The following FAT3 variants were observed in gnomAD, a reference collection of about 807,000 sequenced individuals.
The protein encoded by FAT3 is FAT atypical cadherin 3.
A neutral mutation model predicts 310.2 loss-of-function variants in FAT3; 95 were observed. The ratio of observed to expected loss-of-function variants is 0.31; its 90% CI spans 0.26 to 0.36. The LOEUF (loss-of-function observed/expected upper bound fraction) is 0.36. Ranked by LOEUF, FAT3 falls within the 10% of genes least tolerant of loss-of-function variation. FAT3 has a pLI of 1.00. For missense variants in FAT3, 5,408 were observed against 5,715.6 expected, an observed-to-expected ratio of 0.95 and a Z score of 1.74; for synonymous variants, 2,314 against 2,192.9, an observed-to-expected ratio of 1.06 and a Z score of -1.54.
intron 2 of FAT3, among the ~76,000 whole-genome samples, chr11:92,413,389 A>G (rs1409632393): frequency 6.6e-6 from 1 of 152,188 alleles, no homozygotes; most frequent in Non-Finnish European, 1.5e-5. Context: ...TATTATTTAC[A>G]TGTTGAGTAT....
At chr11:92,322,973 T>C (rs1293983436) in intron 1 of FAT3, among the ~76,000 whole-genome samples, 2 of 115,820 alleles carry the variant, frequency 1.7e-5, no homozygotes, top group Non-Finnish European at 3.3e-5. Flanking sequence ...AGAATGATGA[T>C]TTTTTTCTCC....
Position 92,799,875 on chromosome 11 carries a change from G to A in FAT3, c.6862G>A (p.Asp2288Asn), listed in dbSNP as rs534841578. ...TGTAAATGACAACCCCCCTATTTTC[G>A]ATCAGCCTACATACAATACAACACT... ...NDVNDNPPIFDQPTYNTTLSE... is the reference protein window; with the variant it reads ...NDVNDNPPIFNQPTYNTTLSE... The change falls in exon 10 of 28, where the codon GAT becomes AAT. Residue 2288 changes from aspartate (D) to asparagine (N), a missense_variant. Coordinates refer to ENST00000525166, the MANE Select transcript of FAT3 (RefSeq NM_001367949.2). 1.6e-4 allele frequency: 254 copies of A among 1,612,904 alleles called. 3 individuals are homozygous for A. In the South Asian group the frequency reaches 2.5e-3, roughly 16 times the overall value.
chr11:92,369,494 G>C (rs1263642453), intron 2 of FAT3, among the ~76,000 whole-genome samples: 5 of 152,114 alleles, frequency 3.3e-5, no homozygotes, highest in African/African-American at 1.2e-4. Flanking sequence ...GAGTGGATCT[G>C]GCTCTTTGGT....
intron 4 of FAT3, among the ~76,000 whole-genome samples, chr11:92,745,041 A>C (rs570528492): frequency 6.6e-6 from 1 of 152,312 alleles, no homozygotes; most frequent in South Asian, 2.1e-4. Flanking sequence ...AGAAAAGCCA[A>C]AAATCTGGTG....
chr11:92,251,693 T>C (rs768612654), intron 1 of FAT3, among the ~76,000 whole-genome samples: 1 of 149,892 alleles, frequency 6.7e-6, no homozygotes, highest in Non-Finnish European at 1.5e-5. Context: ...ATGACTTTTG[T>C]ATTGATTGAA....
At chr11:92,667,829 G>T (rs1029594763) in intron 3 of FAT3, among the ~76,000 whole-genome samples, 8 of 152,148 alleles carry the variant, frequency 5.3e-5, no homozygotes, top group African/African-American at 1.9e-4. Context: ...AATGTCATTG[G>T]CCTGAACTGA....
rs1444968053 is a variant in FAT3, at chr11:92,893,323, C to T, written c.*2210C>T. ...AAATGAATTTCACTAAGGCTGCTTT[C>T]GAGAACAAAGTCTTTGGTATTTTTC... On this transcript the variant is annotated 3_prime_UTR_variant, in exon 28 of 28. Coordinates refer to ENST00000525166, the MANE Select transcript of FAT3 (RefSeq NM_001367949.2). 5 of 152,234 alleles carry T rather than the reference C, an allele frequency of 3.3e-5. No individual in the cohort carries two copies. Among genetic ancestry groups the T allele is most frequent in the Admixed American group, 6.5e-5 (1 of 15,284 alleles). The allele number at this position is 152,234 out of a possible 1,614,324, so 9.4% of individuals were successfully genotyped here.
chr11:92,490,887 A>G (rs1319107137), intron 2 of FAT3, among the ~76,000 whole-genome samples: 1 of 152,072 alleles, frequency 6.6e-6, no homozygotes, highest in African/African-American at 2.4e-5. Flanking sequence ...GATAGCTAAA[A>G]TTAGCTTCAC....
chr11:92,563,027 C>T (rs115473391), intron 3 of FAT3, among the ~76,000 whole-genome samples: 71 of 152,224 alleles, frequency 4.7e-4, no homozygotes, highest in African/African-American at 1.6e-3. Flanking sequence ...TGCTATAGTA[C>T]ATATGAATTG....
chr11:92,813,311 G>T (rs945003638), intron 13 of FAT3, among the ~76,000 whole-genome samples: 3 of 152,140 alleles, frequency 2.0e-5, no homozygotes, highest in East Asian at 3.9e-4. Flanking sequence ...TTCACAGGAA[G>T]TTGCAAAATA....
At chr11:92,396,253 T>C (rs1949866571) in intron 2 of FAT3, among the ~76,000 whole-genome samples, 1 of 152,190 alleles carries the variant, frequency 6.6e-6, no homozygotes, top group Non-Finnish European at 1.5e-5. Flanking sequence ...TCTACTTTGT[T>C]CTGAGGAAAC....
chr11:92,243,388 T>C (rs1261865289), intron 1 of FAT3, among the ~76,000 whole-genome samples: 1 of 152,024 alleles, frequency 6.6e-6, no homozygotes, highest in Non-Finnish European at 1.5e-5. Context: ...AGTTTTCTTT[T>C]GGGGCTTTTG....
chr11:92,305,109 G>C (rs537024794), intron 1 of FAT3, among the ~76,000 whole-genome samples: 1 of 152,178 alleles, frequency 6.6e-6, no homozygotes, highest in East Asian at 1.9e-4. Context: ...CTTTGCTTCT[G>C]CCCTCCCCTT....
chr11:92,568,419 TTG>T (rs1389434385), intron 3 of FAT3, among the ~76,000 whole-genome samples: 6 of 152,132 alleles, frequency 3.9e-5, no homozygotes, highest in African/African-American at 1.4e-4. Flanking sequence ...CATTTTTATA[TTG>T]TGTGTATAAC....
chr11:92,826,191 A>G (rs575866018), intron 13 of FAT3, among the ~76,000 whole-genome samples: 11 of 152,298 alleles, frequency 7.2e-5, no homozygotes, highest in African/African-American at 2.6e-4. Flanking sequence ...AAAGAAACAA[A>G]ACACTGTCTT....
intron 3 of FAT3, among the ~76,000 whole-genome samples, chr11:92,673,125 G>C (rs926332059): frequency 2.6e-5 from 4 of 152,104 alleles, no homozygotes; most frequent in African/African-American, 9.7e-5. Flanking sequence ...CTTTACTATA[G>C]ACCTTGGGTT....
At chr11:92,225,598 T>A (rs1362527430) in intron 1 of FAT3, among the ~76,000 whole-genome samples, 1 of 152,008 alleles carries the variant, frequency 6.6e-6, no homozygotes, top group East Asian at 1.9e-4. Flanking sequence ...GTGGGGGATG[T>A]TCAGATGCCG....
chr11:92,678,884 T>C (rs1943375719), intron 3 of FAT3, among the ~76,000 whole-genome samples: 1 of 152,220 alleles, frequency 6.6e-6, no homozygotes, highest in Admixed American at 6.5e-5. Context: ...AATCATGGCT[T>C]TTAGGGTCTA....
chr11:92,454,366 C>A (rs908635447), intron 2 of FAT3, among the ~76,000 whole-genome samples: 1 of 152,176 alleles, frequency 6.6e-6, no homozygotes, highest in African/African-American at 2.4e-5. Context: ...AGTAATTCTT[C>A]TTCCCACGAG....
Sources: allele counts gnomAD v4.1 joint callset (sites outside exome capture counted in the v4.1 genomes callset), GRCh38; gene constraint gnomAD v4.1.1; transcripts MANE v1.5; gene names NCBI Gene and HGNC (gene_info 2026-07-23, HGNC 2026-07-21).